The following ABI3BP variants were observed in gnomAD, a reference collection of about 807,000 sequenced individuals.
ABI3BP encodes the protein ABI family member 3 binding protein, also known as target of Nesh-SH3.
A neutral mutation model predicts 268.6 loss-of-function variants in ABI3BP; 216 were observed. That is an observed-to-expected ratio of 0.80 (90% CI 0.72 to 0.90). The LOEUF is 0.90. Among genes scored for constraint, ABI3BP ranks in the 40% least tolerant of loss-of-function variants. ABI3BP has a pLI of 0.00. For synonymous variants in ABI3BP, 730 were observed against 730.0 expected (o/e 1.00, Z 0.00); for missense variants, 2,090 against 2,182.4 (o/e 0.96, Z 0.84).
chr3:100,801,443 AAAG>A lies in ABI3BP; in HGVS notation c.3757+3346_3757+3348del, dbSNP rs1201932185. Reference sequence around the variant, plus strand: ...ATCCTGTCAAAAAAAAAAAAAAAGAAAAGAAAAGAAAAGAAAAAAAGATCTAAA... The same window carrying A: ...ATCCTGTCAAAAAAAAAAAAAAAGAAAAAAGAAAAGAAAAAAAGATCTAAA... On this transcript the variant is annotated intron_variant, in intron 51 of 67. Coordinates refer to ENST00000471714, the MANE Select transcript of ABI3BP (RefSeq NM_001375547.2). Among the ~76,000 whole-genome samples, 11 of 145,734 alleles carry A rather than the reference AAAG, an allele frequency of 7.5e-5. No individual in the cohort carries two copies. In the East Asian group the frequency reaches 1.6e-3, roughly 21 times the overall value.
intron 1 of ABI3BP, among the ~76,000 whole-genome samples, chr3:100,943,232 C>T (rs2070350928): frequency 6.6e-6 from 1 of 151,988 alleles, no homozygotes; most frequent in Admixed American, 6.6e-5. Context: ...TCAATGATTC[C>T]TGTCTTACTC....
chr3:100,758,506 C>G (rs1427760109), intron 63 of ABI3BP, among the ~76,000 whole-genome samples: 1 of 152,138 alleles, frequency 6.6e-6, no homozygotes, highest in Non-Finnish European at 1.5e-5. Context: ...CAGAACTCTT[C>G]TATGGCCACA....
intron 14 of ABI3BP, 33 bp downstream of exon 14, chr3:100,862,278 T>C: frequency 2.1e-6 from 3 of 1,428,406 alleles, no homozygotes; most frequent in East Asian, 4.7e-5. Context: ...TTCCTTGTTA[T>C]AATCGATTTT....
At chr3:100,924,985 T>C in intron 2 of ABI3BP, among the ~76,000 whole-genome samples, 1 of 152,304 alleles carries the variant, frequency 6.6e-6, no homozygotes, top group South Asian at 2.1e-4. Context: ...ATACTAAAAA[T>C]TGAATAGAGT....
chr3:100,807,074 AG>A (rs1461364170), intron 50 of ABI3BP, among the ~76,000 whole-genome samples: 2 of 151,934 alleles, frequency 1.3e-5, no homozygotes, highest in African/African-American at 4.8e-5. Context: ...TCAACATTCA[AG>A]TTTTCATGGT....
intron 9 of ABI3BP, among the ~76,000 whole-genome samples, chr3:100,872,422 G>C (rs139495598): frequency 6.6e-6 from 1 of 152,144 alleles, no homozygotes; most frequent in African/African-American, 2.4e-5. Flanking sequence ...TTAAAGATTA[G>C]GAAATATCAC....
chr3:100,777,663 G>A (rs1049797160), intron 59 of ABI3BP, among the ~76,000 whole-genome samples: 2 of 152,122 alleles, frequency 1.3e-5, no homozygotes, highest in Admixed American at 6.5e-5. Flanking sequence ...TAAAGAAAAG[G>A]ATGAAGTCTG....
At chr3:100,784,915 C>A (rs2096981642) in intron 57 of ABI3BP, among the ~76,000 whole-genome samples, 2 of 152,086 alleles carry the variant, frequency 1.3e-5, no homozygotes, top group African/African-American at 4.8e-5. Flanking sequence ...GGATAAAAAA[C>A]TACAACTTAT....
At chr3:100,954,818 G>A (rs562160731) in intron 1 of ABI3BP, among the ~76,000 whole-genome samples, 7 of 151,932 alleles carry the variant, frequency 4.6e-5, no homozygotes, top group African/African-American at 1.4e-4. Context: ...CCCAACTAAG[G>A]CACCAGATAA....
intron 1 of ABI3BP, among the ~76,000 whole-genome samples, chr3:100,976,299 C>G (rs969205217): frequency 6.6e-6 from 1 of 152,068 alleles, no homozygotes; most frequent in Non-Finnish European, 1.5e-5. Flanking sequence ...AAAATATTCC[C>G]TACATAAAGC....
intron 1 of ABI3BP, among the ~76,000 whole-genome samples, chr3:100,977,720 G>GC (rs1293978773): frequency 6.6e-6 from 1 of 152,174 alleles, no homozygotes; most frequent in Non-Finnish European, 1.5e-5. Context: ...ACACAGCCCA[G>GC]CCTTGATTCA....
At chr3:100,925,671 C>T (rs2061584090) in intron 2 of ABI3BP, among the ~76,000 whole-genome samples, 1 of 151,916 alleles carries the variant, frequency 6.6e-6, no homozygotes, top group Non-Finnish European at 1.5e-5. Flanking sequence ...ACCTCAGCCT[C>T]CCAAAGTGCT....
intron 35 of ABI3BP, 68 bp from the exon 36 acceptor site, chr3:100,825,009 C>T (rs2098343530): frequency 1.2e-5 from 16 of 1,326,036 alleles, no homozygotes; most frequent in Non-Finnish European, 1.6e-5. Flanking sequence ...AAGGTTTTTC[C>T]AAAGCTTGTC....
chr3:100,851,578 C>A lies in ABI3BP; in HGVS notation c.1351+297G>T, dbSNP rs556686613. Among the ~76,000 whole-genome samples the A allele has an allele frequency of 1.3e-4, 20 of 152,196 alleles. 1 individual carries two copies. Among genetic ancestry groups the A allele is most frequent in the Admixed American group, 1.3e-3 (20 of 15,278 alleles). On this transcript the variant is annotated intron_variant, in intron 15 of 67. Coordinates refer to ENST00000471714, the MANE Select transcript of ABI3BP (RefSeq NM_001375547.2). The stretch of plus-strand genomic sequence containing the variant: ...TGCTCCAGACAAAACCCTCTAGAAA[C>A]TCGAAGACCTTTTTATGATTCTGAA...
At chr3:100,891,284 C>G (rs1281613370) in intron 4 of ABI3BP, among the ~76,000 whole-genome samples, 2 of 152,108 alleles carry the variant, frequency 1.3e-5, no homozygotes, top group Non-Finnish European at 2.9e-5. Context: ...GGTTTAAGTA[C>G]AACAAAAGAA....
chr3:100,809,142 T>C (rs958572692), intron 49 of ABI3BP, among the ~76,000 whole-genome samples: 1 of 152,066 alleles, frequency 6.6e-6, no homozygotes, highest in Non-Finnish European at 1.5e-5. Flanking sequence ...TGTAGAGAGA[T>C]GAATACTGAT....
chr3:100,796,698 T>C (rs1050024340), intron 51 of ABI3BP, among the ~76,000 whole-genome samples: 1 of 152,062 alleles, frequency 6.6e-6, no homozygotes, highest in African/African-American at 2.4e-5. Context: ...ACAGTTCATT[T>C]TGAAGTCTTC....
rs1436235199 is a variant in ABI3BP at position 100,787,787 on chromosome 3, G to T, written c.4103C>A (p.Thr1368Asn). 1.3e-6 allele frequency: 2 copies of T among 1,530,172 alleles called. No individual in the cohort carries two copies. The highest frequency in any genetic ancestry group is 2.5e-5 in the East Asian group (1 of 40,788). The allele number at this position is 1,530,172 out of a possible 1,614,324, so 94.8% of individuals were successfully genotyped here. A position where few individuals can be genotyped will look rare whatever the true frequency, so the allele number is the denominator to read the frequency against. Residue 1368 changes from threonine (T) to asparagine (N), a missense_variant, in exon 57 of 68, where the codon ACT (threonine) becomes AAT (asparagine). Coordinates refer to ENST00000471714, the MANE Select transcript of ABI3BP (RefSeq NM_001375547.2). ...PHIRPVLNRT[T>N]TRPTRPKPSG... ...GGGTTTGGGCCTAGTAGGTCTTGTA[G>T]TTGTCCTATTCAGAACTAAAATAAA... is the stretch of plus-strand genomic sequence containing the variant.
chr3:100,901,129 TCTCA>T (rs1393594458), intron 3 of ABI3BP, among the ~76,000 whole-genome samples: 1 of 152,178 alleles, frequency 6.6e-6, no homozygotes, highest in Non-Finnish European at 1.5e-5. Context: ...TCTGGACAAC[TCTCA>T]CTAACAAGTT....
Sources: gnomAD v4.1 joint callset for allele counts (sites outside exome capture counted in the v4.1 genomes callset) on GRCh38, gnomAD v4.1.1 for gene constraint, MANE v1.5 for transcripts, NCBI Gene and HGNC (gene_info 2026-07-23, HGNC 2026-07-21) for gene names.